The following CEP95 variants were observed in gnomAD, a reference collection of about 807,000 sequenced individuals.
The protein encoded by CEP95 is centrosomal protein 95.
CEP95 carries 98 observed loss-of-function variants against 111.2 expected under a neutral mutation model. The observed-to-expected ratio is 0.88, with a 90% CI of 0.75 to 1.04. The LOEUF (loss-of-function observed/expected upper bound fraction) is 1.04. Among genes scored for constraint, CEP95 ranks in the 50% least tolerant of loss-of-function variants. The pLI is 0.00. For missense variants in CEP95, 1,027 were observed against 977.2 expected (o/e 1.05, Z -0.68); for synonymous variants, 323 against 327.1 (o/e 0.99, Z 0.14).
intron 7 of CEP95, 28 bp downstream of exon 7, chr17:64,521,555 A>C: frequency 6.3e-7 from 1 of 1,597,668 alleles, no homozygotes. Context: ...TTAGTTCTTT[A>C]CTGCTGATGA....
chr17:64,521,508 G>A lies in CEP95; in HGVS notation c.696G>A (p.Arg232=). 6.2e-7 allele frequency: 1 copy of A among 1,611,598 alleles called. No homozygotes were observed. The highest frequency in any genetic ancestry group is 8.5e-7 in the Non-Finnish European group (1 of 1,178,792). ...LYPPSVLSKS[R]TSFVEDTETL... ...CTCCTAGTGTTTTGTCCAAGAGTAGGACATCCTTTGTTGAAGACAGTGAGT... is the reference window on the plus strand; with the variant it reads ...CTCCTAGTGTTTTGTCCAAGAGTAGAACATCCTTTGTTGAAGACAGTGAGT... The change falls in exon 7 of 20, where the codon AGG becomes AGA. Residue 232 remains arginine (R), a synonymous_variant. Transcript: ENST00000556440.
At position 64,534,591 on chromosome 17, in the gene CEP95, T is replaced by G. The variant is rs954498927; in HGVS notation, c.1924T>G (p.Phe642Val). 3 of 1,613,684 alleles carry G rather than the reference T, an allele frequency of 1.9e-6. No individual in the cohort carries two copies. In the African/African-American group the frequency reaches 4.0e-5, roughly 22 times the overall value. Residue 642 changes from phenylalanine to valine, a missense_variant, in exon 17 of 20, where the codon TTC becomes GTC. Transcript: ENST00000556440. ...EYEHNKRLQDFKDCIRRQRLT... is the reference protein window; with the variant it reads ...EYEHNKRLQDVKDCIRRQRLT... ...TCCCCTTTCCCTTTCTTAGCAAGAC[T>G]TCAAGGACTGCATTCGTAGGCAAAG...
At chr17:64,520,253 T>C (rs1967211183) in intron 6 of CEP95, among the ~76,000 whole-genome samples, 1 of 152,000 alleles carries the variant, frequency 6.6e-6, no homozygotes, top group Non-Finnish European at 1.5e-5. Flanking sequence ...TTTAACATTA[T>C]AAGTAGAGAG....
intron 3 of CEP95, among the ~76,000 whole-genome samples, chr17:64,513,675 T>C (rs2039000098): frequency 6.6e-6 from 1 of 152,184 alleles, no homozygotes; most frequent in Non-Finnish European, 1.5e-5. Flanking sequence ...AAAAATGGTA[T>C]GATCTATACA....
At chr17:64,532,742 A>G in intron 14 of CEP95, 97 bp from the exon 15 acceptor site, 1 of 1,480,896 alleles carries the variant, frequency 6.8e-7, no homozygotes, top group Non-Finnish European at 8.9e-7. Context: ...TTCAGGATCA[A>G]AACCACATCA....
At chr17:64,527,410 C>T (rs1408782285) in intron 11 of CEP95, 146 bp downstream of exon 11, 2 of 556,162 alleles carry the variant, frequency 3.6e-6, no homozygotes, top group Admixed American at 4.1e-5. Context: ...CCTGGATCTT[C>T]CCCATCTAGA....
At chr17:64,521,605 C>T in intron 7 of CEP95, 78 bp downstream of exon 7, 1 of 1,350,620 alleles carries the variant, frequency 7.4e-7, no homozygotes, top group Non-Finnish European at 1.0e-6. Flanking sequence ...AGCCTTTTTA[C>T]TTTTATTGCT....
intron 8 of CEP95, among the ~76,000 whole-genome samples, chr17:64,524,490 AT>A (rs1267806440): frequency 6.6e-6 from 1 of 151,984 alleles, no homozygotes; most frequent in Non-Finnish European, 1.5e-5. Flanking sequence ...TTTTAAAAAT[AT>A]TTTTAGTAGA....
intron 3 of CEP95, among the ~76,000 whole-genome samples, chr17:64,512,295 A>G (rs1314686617): frequency 2.0e-5 from 3 of 152,226 alleles, no homozygotes; most frequent in Non-Finnish European, 4.4e-5. Context: ...ATTGCTTCCA[A>G]CAAAGGGAAC....
Position 64,516,780 on chromosome 17 carries a change from A to G in CEP95, c.425A>G (p.Glu142Gly), listed in dbSNP as rs782171821. 1 of 1,612,368 alleles carries G rather than the reference A, an allele frequency of 6.2e-7. No homozygotes were observed. Among genetic ancestry groups the G allele is most frequent in the Admixed American group, 1.7e-5 (1 of 60,008 alleles). The change falls in exon 5 of 20, where the codon GAA becomes GGA. Residue 142 changes from glutamate to glycine, a missense_variant. By Grantham distance (98) the Glu-to-Gly change is moderately conservative. Coordinates refer to ENST00000556440, the MANE Select transcript of CEP95 (RefSeq NM_138363.3). ...SDRGERLEEP[E>G]STKESKSSWK... The stretch of plus-strand genomic sequence containing the variant: ...CGAGGAGAACGTTTGGAAGAGCCAG[A>G]AAGTACTAAAGAATCTAAATCATCA...
intron 11 of CEP95, 31 bp downstream of exon 11, chr17:64,527,295 A>C (rs781923194): frequency 6.4e-7 from 1 of 1,558,734 alleles, no homozygotes; most frequent in South Asian, 1.2e-5. Flanking sequence ...GAGAAGGGGG[A>C]CATCCATGTG....
chr17:64,522,847 C>CT lies in CEP95; in HGVS notation c.862dup (p.Cys288LeufsTer20), dbSNP rs782563018. ...GAAAAGAATACTTGCATTCAAGTCA[C>CT]TGCTCCCCAGCCGTAAATTCTACTG... On this transcript the variant is annotated frameshift_variant, in exon 8 of 20. Coordinates refer to ENST00000556440, the MANE Select transcript of CEP95 (RefSeq NM_138363.3). LOFTEE classifies it high-confidence loss of function. 6.2e-6 allele frequency: 10 copies of CT among 1,613,218 alleles called. No homozygotes were observed. The East Asian group carries it at 2.2e-4, about 36-fold the overall frequency.
intron 4 of CEP95, chr17:64,516,053 G>A (rs1407147045): frequency 6.6e-6 from 1 of 152,154 alleles, no homozygotes. Context: ...CTAGCTCAGA[G>A]TAAATGCATA....
intron 14 of CEP95, chr17:64,532,522 C>A (rs782417664): frequency 4.1e-6 from 4 of 985,274 alleles, no homozygotes; most frequent in Non-Finnish European, 4.8e-6. Context: ...TAAGCACTTG[C>A]CTACCGGGAA....
At chr17:64,517,593 G>C (rs1966969771) in intron 5 of CEP95, among the ~76,000 whole-genome samples, 1 of 151,740 alleles carries the variant, frequency 6.6e-6, no homozygotes, top group African/African-American at 2.4e-5. Context: ...ACTCATGGTG[G>C]AGTACAGTGG....
In CEP95 at chr17:64,527,135, C is replaced by T. The variant is rs367639602; in HGVS notation, c.1177C>T (p.Arg393Trp). The change falls in exon 11 of 20, where the codon CGG becomes TGG. Residue 393 changes from arginine (R) to tryptophan (W), a missense_variant. Transcript: ENST00000556440. ...GATGTTAAAAAGTGCTCTGGGTGAT[C>T]GGATTAAAGAAAAGACTGACCATAA... ...DWMLKSALGD[R>W]IKEKTDHKEE... 2.4e-5 allele frequency: 39 copies of T among 1,612,030 alleles called. No homozygotes were observed. The highest frequency in any genetic ancestry group is 1.2e-4 in the African/African-American group (9 of 74,718).
chr17:64,537,050 C>T lies in CEP95; in HGVS notation c.2227C>T (p.Leu743=). 1.2e-6 allele frequency: 2 copies of T among 1,611,210 alleles called. No homozygotes were observed. Among genetic ancestry groups the T allele is most frequent in the Non-Finnish European group, 1.7e-6 (2 of 1,178,452 alleles). The change falls in exon 19 of 20, where the codon CTG becomes TTG. Residue 743 remains leucine, a synonymous_variant. Transcript: ENST00000556440. ...TTCTTCCTATAAACAGTTTTCATTG[C>T]TGGCAGAAGCCATATCACAGGAACA... ...ENYYKDQFSL[L]AEAISQEHQE... is the part of the protein sequence containing the mutation.
intron 14 of CEP95, 196 bp downstream of exon 14, chr17:64,532,218 C>G (rs782611026): frequency 2.7e-5 from 34 of 1,252,234 alleles, no homozygotes; most frequent in Non-Finnish European, 3.2e-5. Context: ...TTCAGGGAGG[C>G]CTATATATTG....
At chr17:64,532,201 G>T in intron 14 of CEP95, 179 bp downstream of exon 14, 1 of 1,284,092 alleles carries the variant, frequency 7.8e-7, no homozygotes, top group African/African-American at 1.5e-5. Flanking sequence ...CTTCAATAAG[G>T]AAGTACTTCA....
Sources: gnomAD v4.1 joint callset for allele counts (sites outside exome capture counted in the v4.1 genomes callset) on GRCh38, gnomAD v4.1.1 for gene constraint, MANE v1.5 for transcripts, NCBI Gene and HGNC (gene_info 2026-07-23, HGNC 2026-07-21) for gene names.